The following DPP10 variants were observed in gnomAD, a reference collection of about 807,000 sequenced individuals.
DPP10 encodes the protein inactive dipeptidyl peptidase 10.
A neutral mutation model predicts 120.9 loss-of-function variants in DPP10; 33 were observed. That is an observed-to-expected ratio of 0.27 (90% CI 0.21 to 0.37). DPP10 has a LOEUF of 0.37. Among genes scored for constraint, DPP10 ranks in the 10% least tolerant of loss-of-function variants. The probability of loss-of-function intolerance (pLI) is 1.00; values close to 1 mark genes in which losing one functional copy is unlikely to be tolerated. For missense variants in DPP10, 816 were observed against 942.8 expected, an observed-to-expected ratio of 0.87 and a Z score of 1.76; for synonymous variants, 337 against 326.1, an observed-to-expected ratio of 1.03 and a Z score of -0.36.
chr2:115,600,395 T>A (rs2083251715), intron 5 of DPP10, among the ~76,000 whole-genome samples: 1 of 152,218 alleles, frequency 6.6e-6, no homozygotes, highest in Non-Finnish European at 1.5e-5. Context: ...AATAAGTATT[T>A]TAATAGATTT....
intron 1 of DPP10, among the ~76,000 whole-genome samples, chr2:114,944,718 T>C (rs1697220277): frequency 6.6e-6 from 1 of 152,196 alleles, no homozygotes; most frequent in East Asian, 1.9e-4. Context: ...TTACATACAC[T>C]ATCTTTTTAA....
At chr2:115,358,961 A>C (rs1488560287) in intron 3 of DPP10, among the ~76,000 whole-genome samples, 1 of 152,142 alleles carries the variant, frequency 6.6e-6, no homozygotes, top group Non-Finnish European at 1.5e-5. Context: ...CTCCCACCGG[A>C]TCCCTCCCGT....
intron 5 of DPP10, among the ~76,000 whole-genome samples, chr2:115,553,860 T>C (rs1216760989): frequency 6.6e-6 from 1 of 151,824 alleles, no homozygotes; most frequent in African/African-American, 2.4e-5. Flanking sequence ...ATAATTCTTA[T>C]TATACTATTC....
rs545122318 is a variant in DPP10 at position 114,666,030 on chromosome 2, A to G, written c.60+223192A>G. Among the ~76,000 whole-genome samples, 147 of 152,298 alleles carry G rather than the reference A, an allele frequency of 9.7e-4. No homozygotes were observed. The South Asian group carries it at 0.012, about 12-fold the overall frequency. On this transcript the variant is annotated intron_variant, in intron 1 of 25. Transcript: ENST00000410059. ...CGAAAGGGATGGATGGAGACACACCAAGTACCATCATTTTTTTCTGAGTTT... is the reference window on the plus strand; with the variant it reads ...CGAAAGGGATGGATGGAGACACACCGAGTACCATCATTTTTTTCTGAGTTT...
intron 21 of DPP10, among the ~76,000 whole-genome samples, chr2:115,819,471 A>G (rs11682655): frequency 0.096 from 14,533 of 151,970 alleles, 927 homozygotes; most frequent in Middle Eastern, 0.16. Flanking sequence ...ATTTGCACTC[A>G]TGTTCTTCCT....
At chr2:114,913,807 G>C (rs1445613333) in intron 1 of DPP10, among the ~76,000 whole-genome samples, 1 of 152,126 alleles carries the variant, frequency 6.6e-6, no homozygotes, top group Non-Finnish European at 1.5e-5. Flanking sequence ...CCAATCCAAG[G>C]AATCTAGGGA....
chr2:115,436,042 G>A (rs765709343), intron 3 of DPP10, among the ~76,000 whole-genome samples: 1 of 151,908 alleles, frequency 6.6e-6, no homozygotes, highest in South Asian at 2.1e-4. Flanking sequence ...GTTATTGGGA[G>A]TGGTAATATC....
chr2:115,188,023 AACAGAGAG>A (rs1208403218), intron 1 of DPP10, among the ~76,000 whole-genome samples: 1 of 149,966 alleles, frequency 6.7e-6, no homozygotes, highest in South Asian at 2.1e-4. Flanking sequence ...ATTTCAAAAA[AACAGAGAG>A]ACAGAGAGAG....
Position 115,227,681 on chromosome 2 carries a change from G to A in DPP10, c.61-81558G>A, listed in dbSNP as rs1029147189. Among the ~76,000 whole-genome samples the A allele has an allele frequency of 3.9e-5, 6 of 152,106 alleles. 1 individual carries two copies. In the South Asian group the frequency reaches 1.2e-3, roughly 31 times the overall value. Reference sequence around the variant, plus strand: ...AAATCAGACAATATGTAGCCTTTCAGGATTGGTTTCCAAAGTTCATCTAAT... The same window carrying A: ...AAATCAGACAATATGTAGCCTTTCAAGATTGGTTTCCAAAGTTCATCTAAT... On this transcript the variant is annotated intron_variant, in intron 1 of 25. Transcript: ENST00000410059.
intron 1 of DPP10, among the ~76,000 whole-genome samples, chr2:114,923,326 C>A (rs188061672): frequency 6.6e-6 from 1 of 151,096 alleles, no homozygotes; most frequent in African/African-American, 2.4e-5. Flanking sequence ...TGGGATTACA[C>A]GTGTGCGCCA....
chr2:115,020,910 C>T (rs1390170126), intron 1 of DPP10, among the ~76,000 whole-genome samples: 2 of 152,036 alleles, frequency 1.3e-5, no homozygotes, highest in African/African-American at 4.8e-5. Context: ...TAACCTGCTC[C>T]TGAATGATTC....
intron 1 of DPP10, among the ~76,000 whole-genome samples, chr2:114,510,847 T>G (rs1684084885): frequency 6.6e-6 from 1 of 152,240 alleles, no homozygotes; most frequent in Non-Finnish European, 1.5e-5. Context: ...TACAGTGAAG[T>G]GACAATTGTA....
At chr2:115,489,740 GC>G (rs1324810053) in intron 3 of DPP10, among the ~76,000 whole-genome samples, 1 of 151,778 alleles carries the variant, frequency 6.6e-6, no homozygotes, top group African/African-American at 2.4e-5. Flanking sequence ...TTTTGAAATG[GC>G]CCCACAAAAC....
At position 114,990,408 on chromosome 2, in the gene DPP10, AATCTATCT is replaced by A. The variant is rs58799590; in HGVS notation, c.61-318822_61-318815del. Reference sequence around the variant, plus strand: ...CTATCTATCTATCTATTATCTATCTAATCTATCTATCTATCTCTTTTCAGCCATCTATC... The same window carrying A: ...CTATCTATCTATCTATTATCTATCTAATCTATCTCTTTTCAGCCATCTATC... On this transcript the variant is annotated intron_variant, in intron 1 of 25. Transcript: ENST00000410059. Among the ~76,000 whole-genome samples the A allele has an allele frequency of 4.2e-3, 638 of 151,716 alleles. 4 individuals are homozygous for A. The highest frequency in any genetic ancestry group is 7.6e-3 in the Non-Finnish European group (514 of 67,840).
At chr2:115,832,908 G>A (rs1689083180) in intron 21 of DPP10, among the ~76,000 whole-genome samples, 2 of 151,998 alleles carry the variant, frequency 1.3e-5, no homozygotes, top group African/African-American at 2.4e-5. Context: ...ATAACTTGTT[G>A]TATATAATGT....
intron 5 of DPP10, among the ~76,000 whole-genome samples, chr2:115,622,702 T>A (rs2085049161): frequency 6.6e-6 from 1 of 151,982 alleles, no homozygotes; most frequent in African/African-American, 2.4e-5. Context: ...TTTCTCTTCA[T>A]ACTTTCTAAT....
intron 7 of DPP10, among the ~76,000 whole-genome samples, chr2:115,719,948 C>T (rs2092603575): frequency 6.6e-6 from 1 of 152,144 alleles, no homozygotes; most frequent in South Asian, 2.1e-4. Flanking sequence ...TGATTTGTAA[C>T]ATCGTTATTG....
chr2:114,729,515 CT>C (rs1676680506), intron 1 of DPP10, among the ~76,000 whole-genome samples: 1 of 152,190 alleles, frequency 6.6e-6, no homozygotes, highest in Admixed American at 6.5e-5. Context: ...TTCTTTCCAT[CT>C]GAAATGAAAA....
intron 1 of DPP10, among the ~76,000 whole-genome samples, chr2:114,751,175 G>T (rs1177932020): frequency 1.3e-5 from 2 of 152,126 alleles, no homozygotes; most frequent in African/African-American, 4.8e-5. Flanking sequence ...CATCCCACTG[G>T]GAGAGACACT....
Sources: gnomAD v4.1 joint callset for allele counts (sites outside exome capture counted in the v4.1 genomes callset) on GRCh38, gnomAD v4.1.1 for gene constraint, MANE v1.5 for transcripts, NCBI Gene and HGNC (gene_info 2026-07-23, HGNC 2026-07-21) for gene names.